The following PELI2 variants were observed in gnomAD, a reference collection of about 807,000 sequenced individuals.
PELI2 encodes the protein pellino E3 ubiquitin protein ligase family member 2.
A neutral mutation model predicts 42.3 loss-of-function variants in PELI2; 23 were observed. That is an observed-to-expected ratio of 0.54 (90% CI 0.39 to 0.77). The LOEUF is 0.77. Among genes scored for constraint, PELI2 ranks in the 30% least tolerant of loss-of-function variants. PELI2 has a pLI of 0.00. For synonymous variants in PELI2, 245 were observed against 212.2 expected (o/e 1.15, Z -1.34); for missense variants, 463 against 553.2 (o/e 0.84, Z 1.64).
intron 2 of PELI2, among the ~76,000 whole-genome samples, chr14:56,214,185 A>T (rs1394577043): frequency 1.3e-5 from 2 of 151,988 alleles, no homozygotes; most frequent in Non-Finnish European, 2.9e-5. Context: ...CATTTACAAG[A>T]TTTGTCCTAA....
intron 2 of PELI2, among the ~76,000 whole-genome samples, chr14:56,253,115 C>T (rs1369221436): frequency 2.0e-5 from 3 of 152,068 alleles, no homozygotes; most frequent in African/African-American, 7.2e-5. Flanking sequence ...TGATTGTCTC[C>T]GTAGATGCAG....
intron 1 of PELI2, among the ~76,000 whole-genome samples, chr14:56,151,484 A>G (rs1185249324): frequency 1.3e-5 from 2 of 152,156 alleles, no homozygotes; most frequent in Non-Finnish European, 2.9e-5. Context: ...AACTTCTTCA[A>G]TGCATTGTGT....
At chr14:56,285,653 A>G (rs1160005593) in intron 3 of PELI2, among the ~76,000 whole-genome samples, 2 of 152,102 alleles carry the variant, frequency 1.3e-5, no homozygotes, top group African/African-American at 2.4e-5. Context: ...ATTTAGCAAT[A>G]TATTGATTTT....
chr14:56,268,596 G>A (rs1293711034), intron 2 of PELI2, among the ~76,000 whole-genome samples: 2 of 152,126 alleles, frequency 1.3e-5, no homozygotes, highest in Non-Finnish European at 2.9e-5. Context: ...GCGGCATTTT[G>A]CTCACATCTG....
At chr14:56,155,672 C>T (rs1884535565) in intron 1 of PELI2, among the ~76,000 whole-genome samples, 1 of 151,948 alleles carries the variant, frequency 6.6e-6, no homozygotes, top group Non-Finnish European at 1.5e-5. Context: ...ACCTCCGCCT[C>T]CCGGGTTCGC....
chr14:56,201,758 C>A (rs1202855173), intron 2 of PELI2, among the ~76,000 whole-genome samples: 5 of 152,178 alleles, frequency 3.3e-5, no homozygotes, highest in African/African-American at 4.8e-5. Context: ...ATTCAGCAAG[C>A]TAACTATGTA....
At chr14:56,293,644 C>G (rs1389049367) in intron 5 of PELI2, among the ~76,000 whole-genome samples, 1 of 152,154 alleles carries the variant, frequency 6.6e-6, no homozygotes, top group Non-Finnish European at 1.5e-5. Flanking sequence ...GCTCTGCCCT[C>G]TAATTGCATG....
At chr14:56,258,748 C>G (rs1888609214) in intron 2 of PELI2, among the ~76,000 whole-genome samples, 1 of 151,814 alleles carries the variant, frequency 6.6e-6, no homozygotes, top group Admixed American at 6.6e-5. Flanking sequence ...CAGGTGGTCT[C>G]AAATATGTGT....
intron 2 of PELI2, among the ~76,000 whole-genome samples, chr14:56,267,008 G>C (rs1888930771): frequency 6.6e-6 from 1 of 151,928 alleles, no homozygotes; most frequent in East Asian, 1.9e-4. Flanking sequence ...ATACTGTGCT[G>C]GTATAGGCAT....
chr14:56,229,460 T>A (rs1289046542), intron 2 of PELI2, among the ~76,000 whole-genome samples: 1 of 152,210 alleles, frequency 6.6e-6, no homozygotes, highest in Non-Finnish European at 1.5e-5. Context: ...CAGCCTCCAC[T>A]GGTGATACCA....
chr14:56,271,734 G>C (rs12884292), intron 2 of PELI2, among the ~76,000 whole-genome samples: 30,538 of 152,176 alleles, frequency 0.2, 3,734 homozygotes, highest in Admixed American at 0.27. Flanking sequence ...AGAAGACAAA[G>C]AGGTCACTAG....
intron 1 of PELI2, among the ~76,000 whole-genome samples, chr14:56,164,223 C>T (rs1884870683): frequency 6.6e-6 from 1 of 151,952 alleles, no homozygotes. Flanking sequence ...TCATTCTATG[C>T]CTAGTTTTTT....
chr14:56,287,916 A>G (rs377319786), intron 3 of PELI2, among the ~76,000 whole-genome samples: 5 of 152,376 alleles, frequency 3.3e-5, no homozygotes, highest in African/African-American at 1.2e-4. Flanking sequence ...ATGTGCATAC[A>G]TCACAGGCCT....
intron 2 of PELI2, among the ~76,000 whole-genome samples, chr14:56,274,251 T>C (rs1181776348): frequency 1.3e-5 from 2 of 152,130 alleles, no homozygotes; most frequent in Non-Finnish European, 2.9e-5. Flanking sequence ...TAAATCCCAT[T>C]TTCTCTCTCC....
chr14:56,135,337 TATA>T (rs1276380117), intron 1 of PELI2, among the ~76,000 whole-genome samples: 3 of 152,256 alleles, frequency 2.0e-5, no homozygotes, highest in African/African-American at 7.2e-5. Flanking sequence ...TTGATTGGAT[TATA>T]ATAAGAGACT....
At chr14:56,233,756 G>C (rs1887677188) in intron 2 of PELI2, among the ~76,000 whole-genome samples, 1 of 152,174 alleles carries the variant, frequency 6.6e-6, no homozygotes, top group African/African-American at 2.4e-5. Context: ...TTGACAAATG[G>C]GATCTAATTA....
chr14:56,141,573 C>G (rs1038096156), intron 1 of PELI2, among the ~76,000 whole-genome samples: 2 of 152,180 alleles, frequency 1.3e-5, no homozygotes, highest in African/African-American at 4.8e-5. Flanking sequence ...GTTTAATTGA[C>G]TCACAGTTCG....
chr14:56,178,350 A>G lies in PELI2; in HGVS notation c.93A>G (p.Leu31=), dbSNP rs764702491. 67 of 1,613,972 alleles carry G rather than the reference A, an allele frequency of 4.2e-5. No homozygotes were observed. The highest frequency in any genetic ancestry group is 3.5e-4 in the Admixed American group (21 of 60,006). The part of the protein sequence containing the change: ...ELVVLGYNGA[L]PNGDRGRRKS... Reference sequence around the variant, plus strand: ...CTGTTTCTAGGTACAATGGTGCTTTACCCAATGGAGATAGAGGACGGAGGA... The same window carrying G: ...CTGTTTCTAGGTACAATGGTGCTTTGCCCAATGGAGATAGAGGACGGAGGA... The change falls in exon 2 of 6, where the codon TTA becomes TTG. Residue 31 remains leucine (L), a synonymous_variant. Coordinates refer to ENST00000267460, the MANE Select transcript of PELI2 (RefSeq NM_021255.3).
intron 2 of PELI2, among the ~76,000 whole-genome samples, chr14:56,223,118 A>G (rs553799325): frequency 6.6e-6 from 1 of 152,248 alleles, no homozygotes; most frequent in South Asian, 2.1e-4. Context: ...GTCCACCTCT[A>G]CAGCCTGTGG....
Sources: allele counts gnomAD v4.1 joint callset (sites outside exome capture counted in the v4.1 genomes callset), GRCh38; gene constraint gnomAD v4.1.1; transcripts MANE v1.5; gene names NCBI Gene and HGNC (gene_info 2026-07-23, HGNC 2026-07-21).